ETFBKMT: variants seen among roughly 807,000 people sequenced by gnomAD.
ETFBKMT encodes the protein electron transfer flavoprotein beta subunit lysine methyltransferase.
Under a neutral mutation model 18.3 loss-of-function variants are expected in ETFBKMT, and 13 were observed. The observed-to-expected ratio is 0.71, with a 90% confidence interval of 0.46 to 1.13. The LOEUF (loss-of-function observed/expected upper bound fraction) is 1.13. Ranked by LOEUF, ETFBKMT falls within the 50% of genes most tolerant of loss-of-function variation. ETFBKMT has a pLI of 0.00. For missense variants in ETFBKMT, 293 were observed against 306.2 expected, an observed-to-expected ratio of 0.96 and a Z score of 0.32; for synonymous variants, 84 against 107.9, an observed-to-expected ratio of 0.78 and a Z score of 1.37.
intron 1 of ETFBKMT, among the ~76,000 whole-genome samples, chr12:31,654,008 T>C (rs1951038667): frequency 6.6e-6 from 1 of 152,156 alleles, no homozygotes; most frequent in Non-Finnish European, 1.5e-5. Flanking sequence ...CAATTGGAGA[T>C]CTCATACAAT....
intron 3 of ETFBKMT, among the ~76,000 whole-genome samples, chr12:31,667,029 C>T (rs894748616): frequency 6.7e-6 from 1 of 148,798 alleles, no homozygotes; most frequent in Non-Finnish European, 1.5e-5. Flanking sequence ...GAGTCTCACT[C>T]TATTGCCCAG....
intron 1 of ETFBKMT, among the ~76,000 whole-genome samples, chr12:31,648,843 G>C (rs1051973992): frequency 1.3e-5 from 2 of 152,000 alleles, no homozygotes; most frequent in East Asian, 3.9e-4. Flanking sequence ...TTACAGGCGT[G>C]AGCCACCGCG....
At position 31,668,494 on chromosome 12, in the gene ETFBKMT, C is replaced by CTT. The variant is rs5797428; in HGVS notation, c.*517_*518dup. 2.1e-4 allele frequency: 30 copies of CTT among 142,304 alleles called. No individual in the cohort carries two copies. Among genetic ancestry groups the CTT allele is most frequent in the South Asian group, 1.6e-3 (7 of 4,488 alleles). 8.8% of individuals were successfully genotyped at this position (142,304 alleles called of 1,614,324 possible). A position where few individuals can be genotyped will look rare whatever the true frequency, so the allele number is the denominator to read the frequency against. On this transcript the variant is annotated 3_prime_UTR_variant, in exon 4 of 4. Transcript: ENST00000357721. ...GGGCACTGCAGCCTTGAACTCTGGG[C>CTT]TTTTTTTTTTTTTTGAGATGGAGTC... is the stretch of plus-strand genomic sequence containing the variant.
In ETFBKMT at chr12:31,672,433, T is replaced by C; in HGVS notation, c.*4443T>C. 1.6e-6 allele frequency: 2 copies of C among 1,221,340 alleles called. No individual in the cohort carries two copies. The highest frequency in any genetic ancestry group is 1.3e-5 in the South Asian group (1 of 77,242). 75.7% of individuals were successfully genotyped at this position (1,221,340 alleles called of 1,614,324 possible). Reference sequence around the variant, plus strand: ...TTGACAATAAAAAATGTTTAATGTTTCCTCATGTCTAACTGGAGGTGATGT... The same window carrying C: ...TTGACAATAAAAAATGTTTAATGTTCCCTCATGTCTAACTGGAGGTGATGT... On this transcript the variant is annotated 3_prime_UTR_variant, in exon 4 of 4. Transcript: ENST00000357721.
intron 2 of ETFBKMT, among the ~76,000 whole-genome samples, chr12:31,665,606 T>C (rs1752932040): frequency 6.6e-6 from 1 of 150,816 alleles, no homozygotes; most frequent in Non-Finnish European, 1.5e-5. Context: ...AATGTAGAGG[T>C]GTGAAGTGGG....
upstream of ETFBKMT, among the ~76,000 whole-genome samples, chr12:31,658,744 T>C (rs1037199512): frequency 5.3e-5 from 8 of 152,258 alleles, no homozygotes; most frequent in South Asian, 6.2e-4. Flanking sequence ...ACTTTGAGTG[T>C]TGAGTTGAGG....
At position 31,662,233 on chromosome 12, in the gene ETFBKMT, G is replaced by T. The variant is rs61736289; in HGVS notation, c.280G>T (p.Ala94Ser). The T allele has an allele frequency of 0.042, 67,749 of 1,614,152 alleles. 1,629 individuals carry two copies. The highest frequency in any genetic ancestry group is 0.055 in the Middle Eastern group (331 of 6,060). Residue 94 changes from alanine to serine, a missense_variant, in exon 2 of 4, where the codon GCA (alanine) becomes TCA (serine). Physicochemically the swap from Ala to Ser is moderately conservative, Grantham distance 99. Coordinates refer to ENST00000357721, the MANE Select transcript of ETFBKMT (RefSeq NM_001135863.2). ...DLWPHSDPYW[A>S]IYWPGGQALS... Reference sequence around the variant, plus strand: ...GTGGCCCCACAGTGATCCTTACTGGGCAATCTACTGGCCAGGAGGCCAAGC... The same window carrying T: ...GTGGCCCCACAGTGATCCTTACTGGTCAATCTACTGGCCAGGAGGCCAAGC...
chr12:31,669,579 TTC>T lies in ETFBKMT; in HGVS notation c.*1593_*1594del, dbSNP rs1163571701. On this transcript the variant is annotated 3_prime_UTR_variant, in exon 4 of 4. Coordinates refer to ENST00000357721, the MANE Select transcript of ETFBKMT (RefSeq NM_001135863.2). ...ATCCTCATACCAGAAGAGGGGATTT[TTC>T]TCTGATCCTCACCCTGAGAACCTGG... 1 of 152,260 alleles carries T rather than the reference TTC, an allele frequency of 6.6e-6. No individual in the cohort carries two copies. The highest frequency in any genetic ancestry group is 1.5e-5 in the Non-Finnish European group (1 of 68,060). The allele number at this position is 152,260 out of a possible 1,614,324, so 9.4% of individuals were successfully genotyped here. A position where few individuals can be genotyped will look rare whatever the true frequency, so the allele number is the denominator to read the frequency against.
intron 1 of ETFBKMT, among the ~76,000 whole-genome samples, chr12:31,654,110 C>T (rs1306206579): frequency 6.6e-6 from 1 of 152,152 alleles, no homozygotes; most frequent in Non-Finnish European, 1.5e-5. Context: ...AGTGTGGTTG[C>T]ACGATCTCAG....
At chr12:31,666,271 A>G (rs1565751471) in intron 3 of ETFBKMT, 54 bp downstream of exon 3, 3 of 1,551,784 alleles carry the variant, frequency 1.9e-6, no homozygotes, top group East Asian at 2.3e-5. Flanking sequence ...TTTCTCTGGG[A>G]TAAATATGTA....
intron 1 of ETFBKMT, 68 bp from the exon 2 acceptor site, chr12:31,661,773 A>G: frequency 1.6e-6 from 1 of 626,436 alleles, no homozygotes; most frequent in Non-Finnish European, 2.7e-6. Context: ...TTTTCTTATT[A>G]TGTAATAGGA....
chr12:31,664,709 C>T (rs373098759), intron 2 of ETFBKMT, among the ~76,000 whole-genome samples: 28 of 151,528 alleles, frequency 1.8e-4, no homozygotes, highest in African/African-American at 5.6e-4. Flanking sequence ...CTTCCCCTCC[C>T]GGGTTCAAAC....
chr12:31,648,634 T>G (rs143506763), intron 1 of ETFBKMT, among the ~76,000 whole-genome samples: 2,913 of 142,786 alleles, frequency 0.02, 112 homozygotes, highest in African/African-American at 0.072. Context: ...CAATCTCGGC[T>G]CACTGCAAGC....
At chr12:31,648,549 A>AC (rs1950987128) in intron 1 of ETFBKMT, among the ~76,000 whole-genome samples, 2 of 122,022 alleles carry the variant, frequency 1.6e-5, no homozygotes, top group Non-Finnish European at 3.4e-5. Context: ...TTTAGTAGAG[A>AC]TGGGTTTCTT....
At chr12:31,658,710 G>T (rs930405025), upstream of ETFBKMT, among the ~76,000 whole-genome samples, 2 of 152,180 alleles carry the variant, frequency 1.3e-5, no homozygotes, top group African/African-American at 4.8e-5. Flanking sequence ...GGTTTTAATT[G>T]TTGTCAGGTC....
chr12:31,666,274 A>T, intron 3 of ETFBKMT, 57 bp downstream of exon 3: 1 of 1,544,302 alleles, frequency 6.5e-7, no homozygotes, highest in Middle Eastern at 1.7e-4. Flanking sequence ...CTCTGGGATA[A>T]ATATGTACAC....
intron 1 of ETFBKMT, chr12:31,660,886 A>G (rs889932332): frequency 6.6e-6 from 1 of 152,220 alleles, no homozygotes; most frequent in Admixed American, 6.5e-5. Context: ...TTATCCCACC[A>G]CTAGAATATA....
intron 1 of ETFBKMT, among the ~76,000 whole-genome samples, chr12:31,651,315 T>TC (rs1244138018): frequency 2.6e-5 from 4 of 151,002 alleles, no homozygotes; most frequent in Non-Finnish European, 4.4e-5. Flanking sequence ...CCCTTTTTTT[T>TC]TTTTTCTTTT....
chr12:31,659,299 T>A (rs1164008439), upstream of ETFBKMT: 1 of 152,208 alleles, frequency 6.6e-6, no homozygotes, highest in Non-Finnish European at 1.5e-5. Context: ...GCGGGAACAG[T>A]CGCCAGGGCG....
Sources: gnomAD v4.1 joint callset for allele counts (sites outside exome capture counted in the v4.1 genomes callset) on GRCh38, gnomAD v4.1.1 for gene constraint, MANE v1.5 for transcripts, NCBI Gene and HGNC (gene_info 2026-07-23, HGNC 2026-07-21) for gene names.